WT1: variants seen among roughly 807,000 people sequenced by gnomAD.
WT1 encodes Wilms tumor protein.
Under a neutral mutation model 60.8 loss-of-function variants are expected in WT1, and 8 were observed. That is an observed-to-expected ratio of 0.13 (90% CI 0.08 to 0.24). WT1 has a LOEUF of 0.24. Ranked by LOEUF, WT1 falls within the 10% of genes least tolerant of loss-of-function variation. The pLI is 1.00. For missense variants in WT1, 568 were observed against 711.8 expected, an observed-to-expected ratio of 0.80 and a Z score of 2.30; for synonymous variants, 312 against 297.1, an observed-to-expected ratio of 1.05 and a Z score of -0.52.
rs556835183 is a variant in WT1 at position 32,435,334 on chromosome 11, C to T, written c.27G>A (p.Pro9=). 36 of 1,530,300 alleles carry T rather than the reference C, an allele frequency of 2.4e-5. No individual in the cohort carries two copies. Among genetic ancestry groups the T allele is most frequent in the Non-Finnish European group, 2.9e-5 (33 of 1,145,528 alleles). 94.8% of individuals were successfully genotyped at this position (1,530,300 alleles called of 1,614,324 possible). ...CCGGCTCCGGGACACACGTGGAAGCCGGGTCCTGCAGCAAGAGGAAGTCCA... is the reference window on the plus strand; with the variant it reads ...CCGGCTCCGGGACACACGTGGAAGCTGGGTCCTGCAGCAAGAGGAAGTCCA... The change falls in exon 1 of 10, where the codon CCG becomes CCA. Residue 9 remains proline (P), a synonymous_variant. Coordinates refer to ENST00000452863, the MANE Select transcript of WT1 (RefSeq NM_024426.6).
chr11:32,434,672 C>T (rs1211186006), intron 1 of WT1, 28 bp downstream of exon 1: 2 of 1,612,250 alleles, frequency 1.2e-6, no homozygotes, highest in Non-Finnish European at 1.7e-6. Context: ...CTGCCCCGCG[C>T]GTAGGGGGCG....
Position 32,434,794 on chromosome 11 carries a change from C to G in WT1, c.567G>C (p.Pro189=), listed in dbSNP as rs141135091. Residue 189 remains proline, a synonymous_variant, in exon 1 of 10, where the codon CCG becomes CCC. Coordinates refer to ENST00000452863, the MANE Select transcript of WT1 (RefSeq NM_024426.6). The stretch of plus-strand genomic sequence containing the variant: ...CCTGGCCGGATGACGCCTGGCTGGG[C>G]GGAGGAGGACCGAAGGGCCCGTAGC... 6.2e-7 allele frequency: 1 copy of G among 1,612,560 alleles called. No homozygotes were observed. Among genetic ancestry groups the G allele is most frequent in the Admixed American group, 1.7e-5 (1 of 59,950 alleles).
At position 32,392,551 on chromosome 11, in the gene WT1, A is replaced by C. The variant is rs1851847938; in HGVS notation, c.1354+115T>G. The stretch of plus-strand genomic sequence containing the variant: ...AGAGATTATGGGGGGAAAATACTGG[A>C]AAAACTAAACACATGGCTGACTCTC... On this transcript the variant is annotated intron_variant, in intron 8 of 9. Transcript: ENST00000452863. 1.3e-5 allele frequency: 14 copies of C among 1,062,882 alleles called. No individual in the cohort carries two copies. The South Asian group carries it at 1.9e-4, about 14-fold the overall frequency. The allele number at this position is 1,062,882 out of a possible 1,614,324, so 65.8% of individuals were successfully genotyped here.
intron 1 of WT1, among the ~76,000 whole-genome samples, chr11:32,432,369 G>A (rs532604530): frequency 1.3e-5 from 2 of 152,336 alleles, no homozygotes; most frequent in South Asian, 4.1e-4. Context: ...TGGGGAAGCA[G>A]CAGGAACCCT....
intron 1 of WT1, 127 bp downstream of exon 1, chr11:32,434,573 T>C: frequency 6.5e-7 from 1 of 1,532,218 alleles, no homozygotes; most frequent in East Asian, 2.4e-5. Flanking sequence ...TCCGCTATCC[T>C]CACGGCCCTT....
Position 32,405,023 on chromosome 11 carries a change from A to G in WT1, c.1017-4979T>C, listed in dbSNP as rs374932680. Among the ~76,000 whole-genome samples, 44 of 152,328 alleles carry G rather than the reference A, an allele frequency of 2.9e-4. No individual in the cohort carries two copies. The East Asian group carries it at 7.9e-3, about 27-fold the overall frequency. ...TTTCCCGGTTATTGGATAAGGAGGC[A>G]GTTATTTCATGTGTTTGCTAAATTG... On this transcript the variant is annotated intron_variant, in intron 5 of 9. Transcript: ENST00000452863.
chr11:32,414,074 A>G (rs998156338), intron 5 of WT1, among the ~76,000 whole-genome samples: 12 of 152,228 alleles, frequency 7.9e-5, no homozygotes, highest in African/African-American at 2.9e-4. Context: ...TCCAGTTCAC[A>G]AAATGGAAGC....
Position 32,388,447 on chromosome 11 carries a change from G to A in WT1, c.*611C>T, listed in dbSNP as rs886048220. Reference sequence around the variant, plus strand: ...GATTTCTATACAGAGGTACTGGTTAGTTCTGATTTTTTCTTCAGCTGCTTG... The same window carrying A: ...GATTTCTATACAGAGGTACTGGTTAATTCTGATTTTTTCTTCAGCTGCTTG... On this transcript the variant is annotated 3_prime_UTR_variant, in exon 10 of 10. Transcript: ENST00000452863. The A allele has an allele frequency of 1.3e-5, 3 of 237,426 alleles. No individual in the cohort carries two copies. The highest frequency in any genetic ancestry group is 2.2e-5 in the African/African-American group (1 of 45,372). 14.7% of individuals were successfully genotyped at this position (237,426 alleles called of 1,614,324 possible). A position where few individuals can be genotyped will look rare whatever the true frequency, so the allele number is the denominator to read the frequency against.
At chr11:32,430,233 G>GCC (rs1332163489) in intron 1 of WT1, among the ~76,000 whole-genome samples, 2 of 151,998 alleles carry the variant, frequency 1.3e-5, no homozygotes, top group Non-Finnish European at 2.9e-5. Flanking sequence ...ATAACCCCCG[G>GCC]CCCCGTTAGC....
chr11:32,407,855 T>C (rs2132993313), intron 5 of WT1, among the ~76,000 whole-genome samples: 1 of 151,730 alleles, frequency 6.6e-6, no homozygotes, highest in East Asian at 1.9e-4. Context: ...CAATTACATT[T>C]ACCTAAAAAA....
intron 5 of WT1, among the ~76,000 whole-genome samples, chr11:32,407,004 C>T (rs1012202144): frequency 6.6e-6 from 1 of 152,012 alleles, no homozygotes; most frequent in Non-Finnish European, 1.5e-5. Flanking sequence ...GAGGCTGAGT[C>T]GAGAGAATCG....
At position 32,435,202 on chromosome 11, in the gene WT1, G is replaced by A. The variant is rs1021307133; in HGVS notation, c.159C>T (p.Ala53=). ...TCCGGCCCTGGAGACGTTCAGCGCT[G>A]GCCTCGGCGGCGCCTAACTTGGCCC... Residue 53 remains alanine (A), a synonymous_variant, in exon 1 of 10, where the codon GCC becomes GCT. Transcript: ENST00000452863. 2.6e-6 allele frequency: 4 copies of A among 1,531,790 alleles called. No individual in the cohort carries two copies. Among genetic ancestry groups the A allele is most frequent in the Admixed American group, 3.9e-5 (2 of 51,148 alleles). 94.9% of individuals were successfully genotyped at this position (1,531,790 alleles called of 1,614,324 possible).
At chr11:32,397,728 T>C (rs1820874288) in intron 6 of WT1, among the ~76,000 whole-genome samples, 1 of 152,188 alleles carries the variant, frequency 6.6e-6, no homozygotes, top group South Asian at 2.1e-4. Context: ...CTAGTCCCTA[T>C]TTCACATTGC....
At chr11:32,430,507 G>A (rs947423277) in intron 1 of WT1, 15 of 1,462,372 alleles carry the variant, frequency 1.0e-5, no homozygotes, top group Non-Finnish European at 1.3e-5. Context: ...TAGAAGCTAC[G>A]AAGAAGTTTT....
chr11:32,424,451 T>C (rs112810645), intron 3 of WT1, among the ~76,000 whole-genome samples: 3 of 152,280 alleles, frequency 2.0e-5, no homozygotes, highest in South Asian at 4.1e-4. Flanking sequence ...CAGCAACATA[T>C]AGTCAGCATG....
At chr11:32,392,957 A>G (rs182037041) in intron 7 of WT1, among the ~76,000 whole-genome samples, 10 of 150,868 alleles carry the variant, frequency 6.6e-5, no homozygotes, top group African/African-American at 2.2e-4. Context: ...CAAGGCTCAC[A>G]TCTAGCTCTG....
At chr11:32,404,584 C>G (rs956281940) in intron 5 of WT1, among the ~76,000 whole-genome samples, 1 of 152,130 alleles carries the variant, frequency 6.6e-6, no homozygotes, top group Non-Finnish European at 1.5e-5. Flanking sequence ...AAGCCACTCT[C>G]CAACTTGACA....
At chr11:32,396,475 G>A (rs1244428225) in intron 6 of WT1, 68 bp from the exon 7 acceptor site, 4 of 1,598,368 alleles carry the variant, frequency 2.5e-6, no homozygotes, top group Non-Finnish European at 2.6e-6. Context: ...GGTCTTGAGG[G>A]AGAGTGAGCA....
At chr11:32,394,481 T>C (rs550255153) in intron 7 of WT1, among the ~76,000 whole-genome samples, 1 of 152,316 alleles carries the variant, frequency 6.6e-6, no homozygotes, top group South Asian at 2.1e-4. Context: ...TTTTCATTTC[T>C]TTATATCCTA....
Sources: gnomAD v4.1 joint callset for allele counts (sites outside exome capture counted in the v4.1 genomes callset) on GRCh38, gnomAD v4.1.1 for gene constraint, MANE v1.5 for transcripts, NCBI Gene and HGNC (gene_info 2026-07-23, HGNC 2026-07-21) for gene names.